ADARB2: variants seen among roughly 807,000 people sequenced by gnomAD.
The protein encoded by ADARB2 is adenosine deaminase RNA specific B2 (inactive).
A neutral mutation model predicts 62.2 loss-of-function variants in ADARB2; 25 were observed. The observed-to-expected ratio is 0.40, with a 90% CI of 0.29 to 0.56. ADARB2 has a LOEUF of 0.56. Ranked by LOEUF, ADARB2 falls within the 20% of genes least tolerant of loss-of-function variation. The pLI is 0.43. For synonymous variants in ADARB2, 572 were observed against 500.8 expected (o/e 1.14, Z -1.90); for missense variants, 1,071 against 1,077.4 (o/e 0.99, Z 0.08).
At position 1,327,751 on chromosome 10, in the gene ADARB2, TG is replaced by T. The variant is rs1564258691; in HGVS notation, c.1077+35276del. 2.4e-4 allele frequency among the ~76,000 whole-genome samples: 13 copies of T among 53,814 alleles called. 1 individual carries two copies. Among genetic ancestry groups the T allele is most frequent in the Non-Finnish European group, 3.6e-4 (8 of 22,300 alleles). The allele number at this position is 53,814 out of a possible 152,430, so 35.3% of individuals were successfully genotyped here. A position where few individuals can be genotyped will look rare whatever the true frequency, so the allele number is the denominator to read the frequency against. ...CACCTCCCACGGCACAGCGCCTCACTGCACAGCGCCTCCTCACAGCTCAGCG... is the reference window on the plus strand; with the variant it reads ...CACCTCCCACGGCACAGCGCCTCACTCACAGCGCCTCCTCACAGCTCAGCG... On this transcript the variant is annotated intron_variant, in intron 3 of 9. Coordinates refer to ENST00000381312, the MANE Select transcript of ADARB2 (RefSeq NM_018702.4).
At chr10:1,465,810 G>T (rs577303339) in intron 1 of ADARB2, among the ~76,000 whole-genome samples, 1 of 152,322 alleles carries the variant, frequency 6.6e-6, no homozygotes, top group African/African-American at 2.4e-5. Flanking sequence ...GTGGTGTGGG[G>T]CCCCCAGAGC....
chr10:1,573,513 C>G (rs1355068547), intron 1 of ADARB2, among the ~76,000 whole-genome samples: 1 of 152,212 alleles, frequency 6.6e-6, no homozygotes, highest in Non-Finnish European at 1.5e-5. Context: ...ACACCCCACC[C>G]TCACTCTCAT....
intron 1 of ADARB2, among the ~76,000 whole-genome samples, chr10:1,410,911 G>A (rs377448623): frequency 5.9e-5 from 9 of 152,272 alleles, no homozygotes; most frequent in Middle Eastern, 3.4e-3. Flanking sequence ...AGTCAGTTAC[G>A]GCCTCTCCCT....
At position 1,518,992 on chromosome 10, in the gene ADARB2, C is replaced by T. The variant is rs561845307; in HGVS notation, c.101-139832G>A. Among the ~76,000 whole-genome samples the T allele has an allele frequency of 5.9e-3, 839 of 141,390 alleles. 12 individuals are homozygous for T. The highest frequency in any genetic ancestry group is 0.034 in the Admixed American group (488 of 14,206). The allele number at this position is 141,390 out of a possible 152,430, so 92.8% of individuals were successfully genotyped here. A position where few individuals can be genotyped will look rare whatever the true frequency, so the allele number is the denominator to read the frequency against. ...GTCTGCATGTGGTGTGGTCATATGC[C>T]TGCATTCCATGTAACGTCTGCACAT... On this transcript the variant is annotated intron_variant, in intron 1 of 9. Transcript: ENST00000381312.
chr10:1,497,794 G>A (rs4468274), intron 1 of ADARB2, among the ~76,000 whole-genome samples: 4 of 152,104 alleles, frequency 2.6e-5, no homozygotes, highest in African/African-American at 9.7e-5. Flanking sequence ...GATATCTGCA[G>A]AAGTAACCAC....
chr10:1,247,977 G>A (rs1831002280), intron 4 of ADARB2, among the ~76,000 whole-genome samples: 1 of 152,202 alleles, frequency 6.6e-6, no homozygotes, highest in African/African-American at 2.4e-5. Flanking sequence ...ATGCCAAGCC[G>A]TATGGACACC....
chr10:1,314,657 C>T (rs146985375), intron 3 of ADARB2, among the ~76,000 whole-genome samples: 169 of 152,312 alleles, frequency 1.1e-3, no homozygotes, highest in African/African-American at 4.0e-3. Context: ...AGGTGCAGAG[C>T]TGAGTCTGAG....
chr10:1,737,262 G>C lies in ADARB2; in HGVS notation c.-112C>G, dbSNP rs373588717. On this transcript the variant is annotated 5_prime_UTR_variant, in exon 1 of 10. Coordinates refer to ENST00000381312, the MANE Select transcript of ADARB2 (RefSeq NM_018702.4). ...GCGAAGCTTGAGGTTGCAAACCCGG[G>C]AGCGGCTCACTTTTCAGGACTGAGC... 2 of 1,107,276 alleles carry C rather than the reference G, an allele frequency of 1.8e-6. No homozygotes were observed. Among genetic ancestry groups the C allele is most frequent in the South Asian group, 2.6e-5 (2 of 76,048 alleles). The allele number at this position is 1,107,276 out of a possible 1,614,324, so 68.6% of individuals were successfully genotyped here. A position where few individuals can be genotyped will look rare whatever the true frequency, so the allele number is the denominator to read the frequency against.
chr10:1,380,410 A>G (rs1448143274), intron 1 of ADARB2, among the ~76,000 whole-genome samples: 2 of 152,250 alleles, frequency 1.3e-5, no homozygotes, highest in African/African-American at 4.8e-5. Flanking sequence ...CTGAGTTTAC[A>G]TCACCCTGTA....
rs78102954 is a variant in ADARB2, at chr10:1,191,602, C to T, written c.1865-6563G>A. 2.1e-3 allele frequency among the ~76,000 whole-genome samples: 324 copies of T among 152,278 alleles called. 2 individuals carry two copies. The highest frequency in any genetic ancestry group is 6.5e-3 in the African/African-American group (268 of 41,550). ...TCACAGACGCTTGTTAAACCTGGTA[C>T]GTAACTCAGGGATGTGTTGCATTTA... is the stretch of plus-strand genomic sequence containing the variant. On this transcript the variant is annotated intron_variant, in intron 8 of 9. Coordinates refer to ENST00000381312, the MANE Select transcript of ADARB2 (RefSeq NM_018702.4).
At chr10:1,411,453 G>T (rs1832758988) in intron 1 of ADARB2, among the ~76,000 whole-genome samples, 1 of 152,256 alleles carries the variant, frequency 6.6e-6, no homozygotes, top group Admixed American at 6.5e-5. Flanking sequence ...CAGAAGCAAT[G>T]TTCTCCTAAC....
chr10:1,362,238 T>C (rs1238243633), intron 3 of ADARB2, among the ~76,000 whole-genome samples: 1 of 152,258 alleles, frequency 6.6e-6, no homozygotes, highest in African/African-American at 2.4e-5. Context: ...CTAGAGGGTA[T>C]TTAAACCCCA....
At chr10:1,387,091 A>G (rs1331432586) in intron 1 of ADARB2, among the ~76,000 whole-genome samples, 2 of 151,964 alleles carry the variant, frequency 1.3e-5, no homozygotes, top group African/African-American at 4.8e-5. Flanking sequence ...ATAACATAAC[A>G]CAATTTGTGA....
At chr10:1,390,815 G>A (rs981055836) in intron 1 of ADARB2, among the ~76,000 whole-genome samples, 2 of 152,192 alleles carry the variant, frequency 1.3e-5, no homozygotes, top group African/African-American at 4.8e-5. Context: ...ACCAGTGAGG[G>A]GCAAACAAGA....
At chr10:1,600,718 T>C (rs1299245976) in intron 1 of ADARB2, among the ~76,000 whole-genome samples, 3 of 150,796 alleles carry the variant, frequency 2.0e-5, no homozygotes, top group Non-Finnish European at 4.4e-5. Flanking sequence ...ACTAATTTAT[T>C]ATGTAATAGC....
intron 3 of ADARB2, among the ~76,000 whole-genome samples, chr10:1,279,640 A>G (rs911549662): frequency 1.5e-4 from 23 of 152,190 alleles, no homozygotes; most frequent in Admixed American, 5.9e-4. Flanking sequence ...TAATAAGGAC[A>G]CTAATCCACT....
intron 1 of ADARB2, among the ~76,000 whole-genome samples, chr10:1,615,448 G>GA (rs1404670278): frequency 6.6e-6 from 1 of 152,248 alleles, no homozygotes; most frequent in Non-Finnish European, 1.5e-5. Flanking sequence ...AGAGGCCCAG[G>GA]ATGCGCGGTA....
chr10:1,399,058 G>A (rs1403322320), intron 1 of ADARB2, among the ~76,000 whole-genome samples: 1 of 152,174 alleles, frequency 6.6e-6, no homozygotes, highest in Non-Finnish European at 1.5e-5. Context: ...TGAATGACAT[G>A]GAATGTAGGA....
At chr10:1,649,093 C>T (rs1231995000) in intron 1 of ADARB2, among the ~76,000 whole-genome samples, 1 of 152,264 alleles carries the variant, frequency 6.6e-6, no homozygotes, top group South Asian at 2.1e-4. Context: ...GTGGGGTACC[C>T]GGGGTGCACA....
Sources: gnomAD v4.1 joint callset for allele counts (sites outside exome capture counted in the v4.1 genomes callset) on GRCh38, gnomAD v4.1.1 for gene constraint, MANE v1.5 for transcripts, NCBI Gene and HGNC (gene_info 2026-07-23, HGNC 2026-07-21) for gene names.